The following TENT4B variants were observed in gnomAD, a reference collection of about 807,000 sequenced individuals.
The protein encoded by TENT4B is PAP associated domain containing 5.
In TENT4B, 10 loss-of-function variants were observed where a neutral mutation model predicts 75.0. That is an observed-to-expected ratio of 0.13 (90% CI 0.08 to 0.23). The LOEUF (loss-of-function observed/expected upper bound fraction) is 0.23, where lower values mean the gene tolerates loss of function less well. TENT4B is among the 10% of genes least tolerant of loss of function. The pLI, the probability that TENT4B is intolerant of heterozygous loss-of-function variation, is 1.00. For missense variants in TENT4B, 579 were observed against 893.8 expected, an observed-to-expected ratio of 0.65 and a Z score of 4.49; for synonymous variants, 350 against 357.7, an observed-to-expected ratio of 0.98 and a Z score of 0.24.
rs774932939 is a variant in TENT4B, at chr16:50,235,235, C to T, written c.*5907C>T. 2.4e-5 allele frequency: 4 copies of T among 163,776 alleles called. No homozygotes were observed. Among genetic ancestry groups the T allele is most frequent in the Non-Finnish European group, 5.1e-5 (4 of 78,660 alleles). 10.1% of individuals were successfully genotyped at this position (163,776 alleles called of 1,614,324 possible). On this transcript the variant is annotated 3_prime_UTR_variant, in exon 12 of 12. Transcript: ENST00000561678. ...ATTGCATTTCTATGCACATCGGCCT[C>T]TAGTGCTTACCACTCGGTTTATTAT...
chr16:50,155,276 T>TGTGTGG (rs1402084390), intron 1 of TENT4B, among the ~76,000 whole-genome samples: 4 of 146,682 alleles, frequency 2.7e-5, no homozygotes, highest in Non-Finnish European at 4.5e-5. Context: ...CTCGTGGGTG[T>TGTGTGG]GTGTGTGTGT....
chr16:50,163,561 G>A (rs9928855), intron 1 of TENT4B, among the ~76,000 whole-genome samples: 9,405 of 150,724 alleles, frequency 0.062, 474 homozygotes, highest in African/African-American at 0.14. Flanking sequence ...CACCACACCC[G>A]GCTTATTTTT....
chr16:50,223,101 G>T, intron 6 of TENT4B, 73 bp from the exon 7 acceptor site: 1 of 1,217,522 alleles, frequency 8.2e-7, no homozygotes, highest in South Asian at 1.5e-5. Flanking sequence ...GTAGAAGTTA[G>T]AATATAATTT....
Position 50,154,380 on chromosome 16 carries a change from TGTTGCACGGG to T in TENT4B, c.638+123_638+132del, listed in dbSNP as rs2037847056. 3.0e-6 allele frequency: 4 copies of T among 1,326,796 alleles called. No homozygotes were observed. The African/African-American group carries it at 4.6e-5, about 15-fold the overall frequency. 82.2% of individuals were successfully genotyped at this position (1,326,796 alleles called of 1,614,324 possible). A position where few individuals can be genotyped will look rare whatever the true frequency, so the allele number is the denominator to read the frequency against. ...CACCCCCACGGCCTGCCTTCGCTGCTGTTGCACGGGGGTGCTGCTGGCCATCCCCAACCCC... is the reference window on the plus strand; with the variant it reads ...CACCCCCACGGCCTGCCTTCGCTGCTGGTGCTGCTGGCCATCCCCAACCCC... On this transcript the variant is annotated intron_variant, in intron 1 of 11. Transcript: ENST00000561678.
Position 50,217,660 on chromosome 16 carries a change from CA to C in TENT4B, c.1037del (p.Lys346ArgfsTer11). The C allele has an allele frequency of 6.6e-7, 1 of 1,510,202 alleles. No homozygotes were observed. The highest frequency in any genetic ancestry group is 2.3e-5 in the Admixed American group (1 of 42,626). The allele number at this position is 1,510,202 out of a possible 1,614,324, so 93.6% of individuals were successfully genotyped here. A position where few individuals can be genotyped will look rare whatever the true frequency, so the allele number is the denominator to read the frequency against. ...CAGCTGACCTCATCAAAGATTTTAC[CA>C]AGGTCAGAGAATTTAGCGTTTATAC... ...RAADLIKDFT[K>X]KYPVLPYLVL... On this transcript the variant is annotated frameshift_variant and splice_region_variant, in exon 5 of 12. Transcript: ENST00000561678. LOFTEE classifies it high-confidence loss of function.
chr16:50,176,494 CTTTTTTTTTTTTT>C (rs34067223), intron 1 of TENT4B, among the ~76,000 whole-genome samples: 107 of 53,094 alleles, frequency 2.0e-3, no homozygotes, highest in Middle Eastern at 0.019. Context: ...ACCAATAATT[CTTTTTTTTTTTTT>C]TTTTTTTTTT....
At position 50,190,431 on chromosome 16, in the gene TENT4B, C is replaced by A. The variant is rs191163516; in HGVS notation, c.639-20892C>A. Among the ~76,000 whole-genome samples the A allele has an allele frequency of 9.9e-5, 15 of 152,094 alleles. No homozygotes were observed. The East Asian group carries it at 1.7e-3, about 18-fold the overall frequency. The stretch of plus-strand genomic sequence containing the variant: ...ACTGTCTAGTTTCAGAACGTTTTTG[C>A]CCCAGATGGATACTCTGTACCTGTT... On this transcript the variant is annotated intron_variant, in intron 1 of 11. Transcript: ENST00000561678.
In TENT4B at chr16:50,154,043, C is replaced by T. The variant is rs2037837511; in HGVS notation, c.422C>T (p.Pro141Leu). 1 of 1,531,766 alleles carries T rather than the reference C, an allele frequency of 6.5e-7. No homozygotes were observed. Among genetic ancestry groups the T allele is most frequent in the Non-Finnish European group, 8.7e-7 (1 of 1,145,210 alleles). The allele number at this position is 1,531,766 out of a possible 1,614,324, so 94.9% of individuals were successfully genotyped here. Residue 141 changes from proline to leucine, a missense_variant, in exon 1 of 12, where the codon CCT becomes CTT. Pro to Leu is a moderately conservative substitution (Grantham distance 98). Coordinates refer to ENST00000561678, the MANE Select transcript of TENT4B (RefSeq NM_001365324.3). ...CCCTCGGCGTCCTCGTCCCCGCACCCTTCGGCCGCCGTCCCCGCCGCCGAT... is the reference window on the plus strand; with the variant it reads ...CCCTCGGCGTCCTCGTCCCCGCACCTTTCGGCCGCCGTCCCCGCCGCCGAT... ...SPPSASSSPH[P>L]SAAVPAADPA...
chr16:50,225,387 T>C (rs1053933643), intron 10 of TENT4B, 102 bp downstream of exon 10: 23 of 1,031,698 alleles, frequency 2.2e-5, no homozygotes, highest in Non-Finnish European at 3.0e-5. Context: ...TTTGCTTACA[T>C]GTTACTGGGA....
At chr16:50,196,615 C>T (rs572030592) in intron 1 of TENT4B, among the ~76,000 whole-genome samples, 1 of 151,956 alleles carries the variant, frequency 6.6e-6, no homozygotes, top group South Asian at 2.1e-4. Flanking sequence ...GGAGTGAAAT[C>T]TTAAATATGT....
intron 1 of TENT4B, among the ~76,000 whole-genome samples, chr16:50,195,551 G>A (rs951929955): frequency 6.6e-6 from 1 of 152,170 alleles, no homozygotes; most frequent in Non-Finnish European, 1.5e-5. Context: ...AATTATGGGT[G>A]TGTTTAATGA....
chr16:50,209,310 A>G (rs550544050), intron 1 of TENT4B, among the ~76,000 whole-genome samples: 2 of 152,330 alleles, frequency 1.3e-5, no homozygotes, highest in East Asian at 3.9e-4. Flanking sequence ...CATCTTTGCC[A>G]GCCAACCTGT....
intron 1 of TENT4B, among the ~76,000 whole-genome samples, chr16:50,168,229 GTTCAT>G (rs1296393391): frequency 6.6e-6 from 1 of 151,064 alleles, no homozygotes; most frequent in Non-Finnish European, 1.5e-5. Flanking sequence ...TACTGCCTTT[GTTCAT>G]TTTTCTTTTG....
chr16:50,201,766 C>T (rs2030665158), intron 1 of TENT4B, among the ~76,000 whole-genome samples: 1 of 150,960 alleles, frequency 6.6e-6, no homozygotes, highest in African/African-American at 2.4e-5. Flanking sequence ...TCACTTGGAC[C>T]CTGGAGGCAG....
At position 50,229,323 on chromosome 16, in the gene TENT4B, A is replaced by G. The variant is rs1567516679; in HGVS notation, c.2137A>G (p.Arg713Gly). 6.2e-7 allele frequency: 1 copy of G among 1,612,160 alleles called. No homozygotes were observed. The highest frequency in any genetic ancestry group is 8.5e-7 in the Non-Finnish European group (1 of 1,179,028). Reference protein sequence around the residue: ...KRDAPLSDLCR With the variant: ...KRDAPLSDLCG Reference sequence around the variant, plus strand: ...GGACGCGCCCCTCTCAGACCTCTGTAGATAGTCAGCGCTGCGCGGTGGACT... The same window carrying G: ...GGACGCGCCCCTCTCAGACCTCTGTGGATAGTCAGCGCTGCGCGGTGGACT... The change falls in exon 12 of 12, where the codon AGA (arginine) becomes GGA (glycine). Residue 713 changes from arginine (R) to glycine (G), a missense_variant. Around this residue, in one of 7 missense-constraint regions of TENT4B, gnomAD observed 164 missense variants for 226.5 expected, o/e 0.72. Transcript: ENST00000561678.
At chr16:50,182,849 T>C (rs928206533) in intron 1 of TENT4B, among the ~76,000 whole-genome samples, 1 of 145,360 alleles carries the variant, frequency 6.9e-6, no homozygotes, top group Admixed American at 7.0e-5. Context: ...AGGAAAACTT[T>C]TAACACTCAA....
At chr16:50,214,196 A>G (rs770417614) in intron 2 of TENT4B, 25 bp from the exon 3 acceptor site, 2 of 1,527,962 alleles carry the variant, frequency 1.3e-6, no homozygotes, top group Admixed American at 1.8e-5. Context: ...ACTCAATATA[A>G]TAACAACTTC....
chr16:50,187,319 A>T (rs2038547972), intron 1 of TENT4B, among the ~76,000 whole-genome samples: 1 of 152,238 alleles, frequency 6.6e-6, no homozygotes, highest in Non-Finnish European at 1.5e-5. Flanking sequence ...GCAGTGGCTC[A>T]CGCCTGTAAT....
rs554982605 is a variant in TENT4B, at chr16:50,216,111, C to G, written c.846C>G (p.Asn282Lys). Residue 282 changes from asparagine to lysine, a missense_variant, in exon 4 of 12, where the codon AAC (asparagine) becomes AAG (lysine). This residue lies in a region of TENT4B where 55 missense variants were observed against 77.1 expected (regional missense o/e 0.71). Transcript: ENST00000561678. ...TAGTGGTGTTTGGGAAGTGGGAGAA[C>G]CTACCCCTCTGGACTCTGGAAGAAG... ...IDLVVFGKWE[N>K]LPLWTLEEAL... 1.7e-5 allele frequency: 27 copies of G among 1,613,818 alleles called. No individual in the cohort carries two copies. Among genetic ancestry groups the G allele is most frequent in the Non-Finnish European group, 2.1e-5 (25 of 1,179,874 alleles).
Sources: allele counts gnomAD v4.1 joint callset (sites outside exome capture counted in the v4.1 genomes callset), GRCh38; gene constraint gnomAD v4.1.1; regional missense constraint gnomAD v4.1.1; transcripts MANE v1.5; gene names NCBI Gene and HGNC (gene_info 2026-07-23, HGNC 2026-07-21).